Variants in CD1C observed in about 807,000 individuals in gnomAD.
CD1C encodes the protein CD1c molecule.
A neutral mutation model predicts 39.4 loss-of-function variants in CD1C; 47 were observed. That is an observed-to-expected ratio of 1.19 (90% CI 0.94 to 1.52). The LOEUF (loss-of-function observed/expected upper bound fraction) is 1.52. CD1C is among the 40% of genes most tolerant of loss of function. The pLI is 0.00. For missense variants in CD1C, 417 were observed against 395.2 expected (o/e 1.06, Z -0.47); for synonymous variants, 165 against 150.8 (o/e 1.09, Z -0.69).
At position 158,292,648 on chromosome 1, in the gene CD1C, G is replaced by T. The variant is rs145198081; in HGVS notation, c.663G>T (p.Leu221=). 4 of 1,613,524 alleles carry T rather than the reference G, an allele frequency of 2.5e-6. No individual in the cohort carries two copies. Among genetic ancestry groups the T allele is most frequent in the Non-Finnish European group, 3.4e-6 (4 of 1,180,052 alleles). The change falls in exon 4 of 6, where the codon CTG becomes CTT. Residue 221 remains leucine, a synonymous_variant. Transcript: ENST00000368170. ...SSRPSLGSGQ[L]LLVCHASGFY... ...GCCCCAGCCTTGGGTCTGGCCAGCTGTTGCTGGTTTGTCATGCCTCCGGCT... is the reference window on the plus strand; with the variant it reads ...GCCCCAGCCTTGGGTCTGGCCAGCTTTTGCTGGTTTGTCATGCCTCCGGCT...
Position 158,292,259 on chromosome 1 carries a change from T to C in CD1C, c.504T>C (p.His168=), listed in dbSNP as rs1651068899. 6.2e-7 allele frequency: 1 copy of C among 1,614,228 alleles called. No individual in the cohort carries two copies. Among genetic ancestry groups the C allele is most frequent in the Non-Finnish European group, 8.5e-7 (1 of 1,180,040 alleles). ...LAQSVCHLLN[H]QYEGVTETVY... ...AAAGTGTCTGTCATCTACTCAATCA[T>C]CAGTATGAAGGCGTCACAGAAACAG... The change falls in exon 3 of 6, where the codon CAT becomes CAC. Residue 168 remains histidine (H), a synonymous_variant. Transcript: ENST00000368170.
intron 3 of CD1C, 106 bp from the exon 4 acceptor site, chr1:158,292,490 T>C: frequency 1.3e-6 from 2 of 1,492,736 alleles, no homozygotes; most frequent in South Asian, 2.6e-5. Flanking sequence ...TAATAGTTTC[T>C]TAGAGGCAGG....
Position 158,292,166 on chromosome 1 carries a change from C to T in CD1C, c.411C>T (p.Asn137=), listed in dbSNP as rs769112361. 2.9e-5 allele frequency: 47 copies of T among 1,614,002 alleles called. No individual in the cohort carries two copies. The highest frequency in any genetic ancestry group is 1.4e-4 in the South Asian group (13 of 91,080). Residue 137 remains asparagine (N), a synonymous_variant, in exon 3 of 6, where the codon AAC becomes AAT. Transcript: ENST00000368170. The part of the protein sequence containing the change: ...SPEGFFQVAF[N]GLDLLSFQNT... ...AAGGCTTCTTTCAGGTAGCTTTCAA[C>T]GGATTAGATTTACTGAGTTTCCAGA...
intron 2 of CD1C, among the ~76,000 whole-genome samples, chr1:158,291,617 C>T (rs1014078758): frequency 1.1e-4 from 17 of 152,140 alleles, no homozygotes. Flanking sequence ...TTATCTTCCA[C>T]CTGTGGTCTC....
chr1:158,293,427 G>A (rs772032149), intron 5 of CD1C, 28 bp from the exon 6 acceptor site: 10 of 1,612,576 alleles, frequency 6.2e-6, no homozygotes, highest in African/African-American at 5.4e-5. Context: ...ACTTATTCAG[G>A]GTTTCTCCCA....
Position 158,293,601 on chromosome 1 carries a change from T to C in CD1C, c.*125T>C, listed in dbSNP as rs1651133895. Reference sequence around the variant, plus strand: ...TTTCTCTTTCTGCATAATAAACATTTGTTAATAAAAACCAAATTCTAATTT... The same window carrying C: ...TTTCTCTTTCTGCATAATAAACATTCGTTAATAAAAACCAAATTCTAATTT... On this transcript the variant is annotated 3_prime_UTR_variant, in exon 6 of 6. Transcript: ENST00000368170. 1 of 1,608,766 alleles carries C rather than the reference T, an allele frequency of 6.2e-7. No homozygotes were observed. Among genetic ancestry groups the C allele is most frequent in the African/African-American group, 1.3e-5 (1 of 74,902 alleles).
chr1:158,293,665 C>T lies in CD1C; in HGVS notation c.*189C>T. ...TGGAATCTCCACTTTTTATATAGCA[C>T]TCAACCTTCAAAGCCCATTTCTGAT... On this transcript the variant is annotated 3_prime_UTR_variant, in exon 6 of 6. Coordinates refer to ENST00000368170, the MANE Select transcript of CD1C (RefSeq NM_001765.3). 3.6e-6 allele frequency: 5 copies of T among 1,375,358 alleles called. No individual in the cohort carries two copies. The highest frequency in any genetic ancestry group is 5.0e-6 in the Non-Finnish European group (5 of 991,984). 85.2% of individuals were successfully genotyped at this position (1,375,358 alleles called of 1,614,324 possible). A position where few individuals can be genotyped will look rare whatever the true frequency, so the allele number is the denominator to read the frequency against.
Position 158,293,094 on chromosome 1 carries a change from GA to G in CD1C, c.890-115del, listed in dbSNP as rs1261397336. On this transcript the variant is annotated intron_variant, in intron 4 of 5. Transcript: ENST00000368170. The stretch of plus-strand genomic sequence containing the variant: ...GAGTAAGTTTTGGAATAGAGTGACT[GA>G]AATAGGATAACTGATGCAACTCATC... The G allele has an allele frequency of 1.2e-5, 11 of 952,658 alleles. No homozygotes were observed. In the African/African-American group the frequency reaches 1.8e-4, roughly 16 times the overall value. The allele number at this position is 952,658 out of a possible 1,614,324, so 59.0% of individuals were successfully genotyped here.
Position 158,291,366 on chromosome 1 carries a change from G to A in CD1C, c.294G>A (p.Glu98=), listed in dbSNP as rs1245650033. 3 of 1,614,110 alleles carry A rather than the reference G, an allele frequency of 1.9e-6. No individual in the cohort carries two copies. Among genetic ancestry groups the A allele is most frequent in the Non-Finnish European group, 2.5e-6 (3 of 1,179,982 alleles). ...TCTACCTCTTTGGATTAACTCGGGA[G>A]ATTCAAGACCATGCAAGTCAAGATT... ...FRFYLFGLTR[E]IQDHASQDYS... is the part of the protein sequence containing the mutation. The change falls in exon 2 of 6, where the codon GAG becomes GAA. Residue 98 remains glutamate (E), a synonymous_variant. Transcript: ENST00000368170.
intron 1 of CD1C, 71 bp from the exon 2 acceptor site, chr1:158,291,063 T>G: frequency 3.4e-6 from 5 of 1,483,706 alleles, no homozygotes; most frequent in Non-Finnish European, 4.6e-6. Flanking sequence ...TCACCTTCCA[T>G]TTTCTCTCCA....
chr1:158,290,993 T>G, intron 1 of CD1C, 141 bp from the exon 2 acceptor site: 2 of 855,496 alleles, frequency 2.3e-6, no homozygotes, highest in Non-Finnish European at 3.6e-6. Flanking sequence ...AGCATGGGGC[T>G]CTGTGTAAGG....
chr1:158,291,096 T>C, intron 1 of CD1C, 38 bp from the exon 2 acceptor site: 2 of 1,569,070 alleles, frequency 1.3e-6, no homozygotes, highest in Non-Finnish European at 1.7e-6. Flanking sequence ...CTCTTTTTTT[T>C]TTTTTCCTTA....
chr1:158,290,068 C>T lies in CD1C; in HGVS notation c.4C>T (p.Leu2=), dbSNP rs777850188. Reference sequence around the variant, plus strand: ...GAAAGAAACATCTGCAAATGACATGCTGTTTCTGCAGTTTCTGCTGCTAGC... The same window carrying T: ...GAAAGAAACATCTGCAAATGACATGTTGTTTCTGCAGTTTCTGCTGCTAGC... M[L]FLQFLLLALL... The change falls in exon 1 of 6, where the codon CTG becomes TTG. Residue 2 remains leucine (L), a synonymous_variant. Transcript: ENST00000368170. 28 of 1,613,456 alleles carry T rather than the reference C, an allele frequency of 1.7e-5. No individual in the cohort carries two copies. In the South Asian group the frequency reaches 2.7e-4, roughly 16 times the overall value.
intron 4 of CD1C, 69 bp downstream of exon 4, chr1:158,292,943 G>T: frequency 4.7e-6 from 7 of 1,480,678 alleles, no homozygotes; most frequent in Non-Finnish European, 6.5e-6. Flanking sequence ...AGGAAATTTT[G>T]AGGATAGCAG....
chr1:158,292,847 G>C lies in CD1C; in HGVS notation c.862G>C (p.Gly288Arg), dbSNP rs1426916552. ...TTGTCGAGTGAGACACAGCAGTCTA[G>C]GAGGCCAGGACATCATCCTCTACTG... ...LSCRVRHSSL[G>R]GQDIILYWGH... Residue 288 changes from glycine to arginine, a missense_variant, in exon 4 of 6, where the codon GGA becomes CGA. Coordinates refer to ENST00000368170, the MANE Select transcript of CD1C (RefSeq NM_001765.3). 1 of 1,614,010 alleles carries C rather than the reference G, an allele frequency of 6.2e-7. No individual in the cohort carries two copies. Among genetic ancestry groups the C allele is most frequent in the African/African-American group, 1.3e-5 (1 of 74,924 alleles).
intron 1 of CD1C, among the ~76,000 whole-genome samples, chr1:158,290,793 T>A (rs1454156376): frequency 6.6e-6 from 1 of 152,196 alleles, no homozygotes; most frequent in Non-Finnish European, 1.5e-5. Context: ...TAGTTTCCGC[T>A]GCTAGTTCTT....
chr1:158,293,180 A>G, intron 4 of CD1C, 32 bp from the exon 5 acceptor site: 1 of 1,513,420 alleles, frequency 6.6e-7, no homozygotes, highest in Non-Finnish European at 9.1e-7. Flanking sequence ...TGAGTTTAAA[A>G]TGGCATCCAT....
Position 158,293,203 on chromosome 1 carries a change from T to C in CD1C, c.890-9T>C, listed in dbSNP as rs200663289. On this transcript the variant is annotated splice_polypyrimidine_tract_variant and intron_variant, in intron 4 of 5. Coordinates refer to ENST00000368170, the MANE Select transcript of CD1C (RefSeq NM_001765.3). ...AAATGGCATCCATGTATCTTTCCAATATGTGCAGGACACCACTTTTCCATG... is the reference window on the plus strand; with the variant it reads ...AAATGGCATCCATGTATCTTTCCAACATGTGCAGGACACCACTTTTCCATG... 1.6e-5 allele frequency: 25 copies of C among 1,601,330 alleles called. No homozygotes were observed. The highest frequency in any genetic ancestry group is 2.6e-6 in the Non-Finnish European group (3 of 1,171,768).
intron 5 of CD1C, 67 bp from the exon 6 acceptor site, chr1:158,293,388 C>A: frequency 6.3e-7 from 1 of 1,594,692 alleles, no homozygotes; most frequent in South Asian, 1.1e-5. Context: ...CTATTGACTA[C>A]TCCACCTTAT....
Sources: gnomAD v4.1 joint callset for allele counts (sites outside exome capture counted in the v4.1 genomes callset) on GRCh38, gnomAD v4.1.1 for gene constraint, MANE v1.5 for transcripts, NCBI Gene and HGNC (gene_info 2026-07-23, HGNC 2026-07-21) for gene names.